Variants in PRPSAP1 observed in about 807,000 individuals in gnomAD.
PRPSAP1 encodes the protein phosphoribosyl pyrophosphate synthetase associated protein 1.
PRPSAP1 carries 31 observed loss-of-function variants against 39.4 expected under a neutral mutation model. The ratio of observed to expected loss-of-function variants is 0.79; its 90% CI spans 0.59 to 1.06. PRPSAP1 has a LOEUF of 1.06. Ranked by LOEUF, PRPSAP1 falls within the 50% of genes least tolerant of loss-of-function variation. The probability of loss-of-function intolerance (pLI) is 0.00; values close to 1 mark genes in which losing one functional copy is unlikely to be tolerated. For missense variants in PRPSAP1, 430 were observed against 511.6 expected, an observed-to-expected ratio of 0.84 and a Z score of 1.54; for synonymous variants, 212 against 192.6, an observed-to-expected ratio of 1.10 and a Z score of -0.83.
rs562221164 is a variant in PRPSAP1 at position 76,326,477 on chromosome 17, G to C, written c.781+2240C>G. 6.6e-5 allele frequency among the ~76,000 whole-genome samples: 10 copies of C among 152,226 alleles called. No individual in the cohort carries two copies. The East Asian group carries it at 1.9e-3, about 29-fold the overall frequency. ...CAACTTATCAGAATGCACATCACCA[G>C]TAATGGGACACATCATGTGTTTCCT... On this transcript the variant is annotated intron_variant, in intron 7 of 9. Transcript: ENST00000446526.
chr17:76,354,134 G>C (rs2071617887), upstream of PRPSAP1: 3 of 1,000,530 alleles, frequency 3.0e-6, no homozygotes, highest in East Asian at 1.1e-4. Flanking sequence ...GTGGCCCCAG[G>C]TGTTTCCAAC....
At chr17:76,324,996 G>T (rs438481) in intron 7 of PRPSAP1, among the ~76,000 whole-genome samples, 1 of 150,188 alleles carries the variant, frequency 6.7e-6, no homozygotes, top group African/African-American at 2.5e-5. Flanking sequence ...TGAACCTGGG[G>T]GGTGGAGCTT....
chr17:76,323,805 T>G (rs2071223556), intron 7 of PRPSAP1, among the ~76,000 whole-genome samples: 1 of 152,124 alleles, frequency 6.6e-6, no homozygotes, highest in Non-Finnish European at 1.5e-5. Context: ...CAAAAATTAT[T>G]TGATAACACA....
chr17:76,344,532 T>A, intron 3 of PRPSAP1, 139 bp downstream of exon 3: 1 of 729,102 alleles, frequency 1.4e-6, no homozygotes, highest in Non-Finnish European at 2.2e-6. Flanking sequence ...CCCAAAGTGT[T>A]GGCATAACAG....
In PRPSAP1 at chr17:76,331,591, G is replaced by C. The variant is rs559807193; in HGVS notation, c.463+672C>G. ...ATGCAAATACTATGGCATTTTATAT[G>C]GAAGACTTGAGTATCTTTGGGTTTT... On this transcript the variant is annotated intron_variant, in intron 4 of 9. Coordinates refer to ENST00000446526, the MANE Select transcript of PRPSAP1 (RefSeq NM_002766.3). 3.3e-5 allele frequency among the ~76,000 whole-genome samples: 5 copies of C among 152,226 alleles called. No individual in the cohort carries two copies. The East Asian group carries it at 9.6e-4, about 29-fold the overall frequency.
chr17:76,336,810 C>T (rs558047079), intron 3 of PRPSAP1, among the ~76,000 whole-genome samples: 1 of 151,654 alleles, frequency 6.6e-6, no homozygotes, highest in African/African-American at 2.4e-5. Context: ...GATTCAACAT[C>T]CTCCAGCCCA....
chr17:76,342,343 C>G (rs1250504476), intron 3 of PRPSAP1, among the ~76,000 whole-genome samples: 1 of 152,110 alleles, frequency 6.6e-6, no homozygotes, highest in Non-Finnish European at 1.5e-5. Context: ...AGTGAAAGAG[C>G]CATCACGGTG....
At chr17:76,342,631 C>T (rs888168089) in intron 3 of PRPSAP1, among the ~76,000 whole-genome samples, 5 of 151,182 alleles carry the variant, frequency 3.3e-5, no homozygotes, top group Middle Eastern at 3.4e-3. Context: ...GTGGGAGGAT[C>T]GCTTTGAGTT....
At chr17:76,337,182 G>A (rs1304603081) in intron 3 of PRPSAP1, 1 of 152,162 alleles carries the variant, frequency 6.6e-6, no homozygotes, top group Admixed American at 6.6e-5. Context: ...GCCTCCCAAA[G>A]TGCTGGGAGT....
At chr17:76,336,669 T>C (rs2071382857) in intron 3 of PRPSAP1, among the ~76,000 whole-genome samples, 1 of 132,820 alleles carries the variant, frequency 7.5e-6, no homozygotes, top group Non-Finnish European at 1.5e-5. Flanking sequence ...GAGGTGGAGG[T>C]TGTGGTGAGC....
At chr17:76,329,110 C>G in intron 6 of PRPSAP1, 1 of 359,770 alleles carries the variant, frequency 2.8e-6, no homozygotes, top group Non-Finnish European at 4.9e-6. Context: ...CTCACTGTCA[C>G]CCAGGCTGGA....
intron 7 of PRPSAP1, among the ~76,000 whole-genome samples, chr17:76,320,342 A>AGGGG (rs2071180650): frequency 8.2e-6 from 1 of 121,354 alleles, no homozygotes; most frequent in Non-Finnish European, 1.6e-5. Flanking sequence ...GGAGGGAGGG[A>AGGGG]GGAAGGAAGG....
intron 2 of PRPSAP1, among the ~76,000 whole-genome samples, chr17:76,345,032 G>A (rs1235687956): frequency 1.3e-5 from 2 of 151,746 alleles, no homozygotes; most frequent in African/African-American, 2.4e-5. Context: ...TCAGGAGATC[G>A]AGACCATCCT....
intron 7 of PRPSAP1, among the ~76,000 whole-genome samples, chr17:76,324,293 G>A (rs368381427): frequency 7.9e-5 from 12 of 151,264 alleles, no homozygotes; most frequent in South Asian, 6.3e-4. Flanking sequence ...ACATCACCTG[G>A]CTGACATTTT....
intron 8 of PRPSAP1, chr17:76,313,280 C>G: frequency 2.8e-6 from 1 of 353,426 alleles, no homozygotes; most frequent in East Asian, 4.8e-5. Flanking sequence ...ACTCATTTTC[C>G]TGTCTCACGT....
intron 3 of PRPSAP1, among the ~76,000 whole-genome samples, chr17:76,339,969 TA>T (rs1235609563): frequency 6.6e-6 from 1 of 151,204 alleles, no homozygotes; most frequent in Non-Finnish European, 1.5e-5. Context: ...CTGTCTCTAC[TA>T]AAAATACAAA....
Position 76,311,178 on chromosome 17 carries a change from T to A in PRPSAP1, c.*364A>T, listed in dbSNP as rs2071066929. 1 of 160,902 alleles carries A rather than the reference T, an allele frequency of 6.2e-6. No homozygotes were observed. Among genetic ancestry groups the A allele is most frequent in the Admixed American group, 6.4e-5 (1 of 15,594 alleles). The allele number at this position is 160,902 out of a possible 1,614,324, so 10.0% of individuals were successfully genotyped here. ...TCAGCTTCCCTAACCAGGTTCAACA[T>A]CAATACCTCCATTTCCCTGGAGCTG... is the stretch of plus-strand genomic sequence containing the variant. On this transcript the variant is annotated 3_prime_UTR_variant, in exon 10 of 10. Coordinates refer to ENST00000446526, the MANE Select transcript of PRPSAP1 (RefSeq NM_002766.3).
intron 2 of PRPSAP1, among the ~76,000 whole-genome samples, chr17:76,347,145 G>T (rs192348776): frequency 1.3e-5 from 2 of 151,742 alleles, no homozygotes; most frequent in African/African-American, 2.4e-5. Context: ...GAAGATGTGG[G>T]ATCCGAGTGT....
chr17:76,353,749 A>G lies in PRPSAP1; in HGVS notation c.-46T>C. ...TACGACCGGCCCCGCGCGGGGCTGCACTCTGAGTGCTTCCGACTGCGAGAC... is the reference window on the plus strand; with the variant it reads ...TACGACCGGCCCCGCGCGGGGCTGCGCTCTGAGTGCTTCCGACTGCGAGAC... On this transcript the variant is annotated 5_prime_UTR_variant, in exon 1 of 10. Coordinates refer to ENST00000446526, the MANE Select transcript of PRPSAP1 (RefSeq NM_002766.3). 7.1e-7 allele frequency: 1 copy of G among 1,407,184 alleles called. No individual in the cohort carries two copies. The highest frequency in any genetic ancestry group is 9.2e-7 in the Non-Finnish European group (1 of 1,089,834). The allele number at this position is 1,407,184 out of a possible 1,614,324, so 87.2% of individuals were successfully genotyped here. A position where few individuals can be genotyped will look rare whatever the true frequency, so the allele number is the denominator to read the frequency against.
Sources: allele counts gnomAD v4.1 joint callset (sites outside exome capture counted in the v4.1 genomes callset), GRCh38; gene constraint gnomAD v4.1.1; transcripts MANE v1.5; gene names NCBI Gene and HGNC (gene_info 2026-07-23, HGNC 2026-07-21).